The following PARVA variants were observed in gnomAD, a reference collection of about 807,000 sequenced individuals.
PARVA encodes alpha-parvin.
PARVA carries 25 observed loss-of-function variants against 52.6 expected under a neutral mutation model. The ratio of observed to expected loss-of-function variants is 0.48; its 90% CI spans 0.35 to 0.66. The LOEUF is 0.66. Among genes scored for constraint, PARVA ranks in the 30% least tolerant of loss-of-function variants. The pLI is 0.01. For missense variants in PARVA, 373 were observed against 450.9 expected (o/e 0.83, Z 1.56); for synonymous variants, 185 against 179.1 (o/e 1.03, Z -0.26).
intron 1 of PARVA, among the ~76,000 whole-genome samples, chr11:12,399,719 C>T (rs533102118): frequency 6.6e-6 from 1 of 152,126 alleles, no homozygotes; most frequent in South Asian, 2.1e-4. Flanking sequence ...ATTTTTTTCT[C>T]ATTACATTAC....
intron 1 of PARVA, among the ~76,000 whole-genome samples, chr11:12,395,108 A>G (rs1011307856): frequency 4.9e-4 from 74 of 150,058 alleles, no homozygotes; most frequent in Non-Finnish European, 9.6e-4. Flanking sequence ...AAAAAAAAAA[A>G]GAAAGAAGAG....
chr11:12,508,262 C>T (rs1941461455), intron 6 of PARVA, among the ~76,000 whole-genome samples: 1 of 152,118 alleles, frequency 6.6e-6, no homozygotes, highest in Admixed American at 6.5e-5. Context: ...CCTTCATTTC[C>T]ATTTGGTTTA....
intron 1 of PARVA, among the ~76,000 whole-genome samples, chr11:12,430,307 T>C (rs532053052): frequency 6.6e-6 from 1 of 152,332 alleles, no homozygotes; most frequent in South Asian, 2.1e-4. Context: ...ATTTACTTAA[T>C]TGCAACTTTG....
chr11:12,480,397 G>C (rs1564858054), intron 4 of PARVA: 1 of 152,066 alleles, frequency 6.6e-6, no homozygotes, highest in South Asian at 2.1e-4. Flanking sequence ...TGAAGACATG[G>C]CTAAGCCGGG....
intron 1 of PARVA, among the ~76,000 whole-genome samples, chr11:12,384,234 C>T (rs191724317): frequency 3.3e-5 from 5 of 152,288 alleles, no homozygotes; most frequent in East Asian, 3.9e-4. Flanking sequence ...AGAAAGTCTC[C>T]TGATACTGGT....
At chr11:12,393,477 G>C (rs886712117) in intron 1 of PARVA, among the ~76,000 whole-genome samples, 5 of 152,274 alleles carry the variant, frequency 3.3e-5, no homozygotes, top group African/African-American at 1.2e-4. Flanking sequence ...AGCACAACCT[G>C]GTGGCATTGT....
chr11:12,441,233 T>C (rs932087981), intron 1 of PARVA, among the ~76,000 whole-genome samples: 19 of 152,230 alleles, frequency 1.2e-4, no homozygotes, highest in African/African-American at 4.6e-4. Flanking sequence ...TGGTTCTTTA[T>C]TTTTCCTCTA....
intron 1 of PARVA, among the ~76,000 whole-genome samples, chr11:12,441,474 G>T (rs973667474): frequency 1.3e-5 from 2 of 151,992 alleles, no homozygotes; most frequent in African/African-American, 4.8e-5. Context: ...GAATACATTC[G>T]GGGGTAATTG....
intron 1 of PARVA, among the ~76,000 whole-genome samples, chr11:12,461,283 T>C (rs1219974353): frequency 1.3e-5 from 2 of 152,170 alleles, no homozygotes; most frequent in African/African-American, 4.8e-5. Flanking sequence ...GCTTATTGTA[T>C]CTACATTTCC....
upstream of PARVA, chr11:12,377,132 T>C (rs1344889042): frequency 1.0e-5 from 2 of 192,480 alleles, no homozygotes; most frequent in African/African-American, 4.7e-5. Context: ...ACTGCAATAA[T>C]TTCTTCCAGG....
At chr11:12,474,117 T>C (rs1421905987) in intron 3 of PARVA, 134 bp downstream of exon 3, 2 of 709,680 alleles carry the variant, frequency 2.8e-6, no homozygotes, top group East Asian at 5.4e-5. Context: ...CCTCAGGCAG[T>C]GAGTTGTCTA....
chr11:12,395,985 G>C (rs191582309), intron 1 of PARVA, among the ~76,000 whole-genome samples: 1 of 152,330 alleles, frequency 6.6e-6, no homozygotes, highest in African/African-American at 2.4e-5. Context: ...TCTGAGCATA[G>C]TTGATTCCAT....
chr11:12,446,854 C>A (rs1159605110), intron 1 of PARVA, among the ~76,000 whole-genome samples: 2 of 152,134 alleles, frequency 1.3e-5, no homozygotes, highest in Admixed American at 1.3e-4. Flanking sequence ...CTCAATGTAG[C>A]CAGGTTTTCC....
At chr11:12,504,929 T>A (rs1376954797) in intron 6 of PARVA, among the ~76,000 whole-genome samples, 2 of 152,118 alleles carry the variant, frequency 1.3e-5, no homozygotes, top group Non-Finnish European at 2.9e-5. Context: ...TGTGCATGTG[T>A]TTGAGAGAGA....
intron 4 of PARVA, among the ~76,000 whole-genome samples, chr11:12,491,711 A>T (rs1285972212): frequency 6.6e-6 from 1 of 152,238 alleles, no homozygotes; most frequent in Non-Finnish European, 1.5e-5. Context: ...TTAAAAATTT[A>T]AAATGATAAT....
chr11:12,377,636 C>G lies in PARVA; in HGVS notation c.-12C>G, dbSNP rs777249826. On this transcript the variant is annotated 5_prime_UTR_variant, in exon 1 of 13. Coordinates refer to ENST00000334956, the MANE Select transcript of PARVA (RefSeq NM_018222.5). The stretch of plus-strand genomic sequence containing the variant: ...CGCGTCCCGACCGGCCCGCGGCAGC[C>G]TGCGCCGCGCCATGGCCACCTCCCC... 4 of 1,566,302 alleles carry G rather than the reference C, an allele frequency of 2.6e-6. No homozygotes were observed. The highest frequency in any genetic ancestry group is 3.4e-6 in the Non-Finnish European group (4 of 1,162,022).
At chr11:12,416,299 A>G (rs7104902) in intron 1 of PARVA, among the ~76,000 whole-genome samples, 80,718 of 152,032 alleles carry the variant, frequency 0.53, 22,255 homozygotes, top group African/African-American at 0.69. Context: ...GAGTCTACAC[A>G]TCCCCATCTT....
At chr11:12,450,045 T>C (rs917978804) in intron 1 of PARVA, among the ~76,000 whole-genome samples, 6 of 152,266 alleles carry the variant, frequency 3.9e-5, no homozygotes, top group Non-Finnish European at 7.3e-5. Flanking sequence ...TCACGAAGAA[T>C]TGTTGTTATC....
chr11:12,490,034 G>T lies in PARVA; in HGVS notation c.401-6424G>T, dbSNP rs951790571. 2.0e-5 allele frequency among the ~76,000 whole-genome samples: 3 copies of T among 151,860 alleles called. No individual in the cohort carries two copies. In the South Asian group the frequency reaches 6.3e-4, roughly 32 times the overall value. Reference sequence around the variant, plus strand: ...GATCGAGACCATCCTGGCTAACATGGTGAAACCCCGTCTCTATGAAAAATA... The same window carrying T: ...GATCGAGACCATCCTGGCTAACATGTTGAAACCCCGTCTCTATGAAAAATA... On this transcript the variant is annotated intron_variant, in intron 4 of 12. Transcript: ENST00000334956.
Sources: allele counts gnomAD v4.1 joint callset (sites outside exome capture counted in the v4.1 genomes callset), GRCh38; gene constraint gnomAD v4.1.1; transcripts MANE v1.5; gene names NCBI Gene and HGNC (gene_info 2026-07-23, HGNC 2026-07-21).